Variants in FAF1 observed in about 807,000 individuals in gnomAD.
FAF1 encodes the protein FAS-associated factor 1.
Under a neutral mutation model 92.5 loss-of-function variants are expected in FAF1, and 25 were observed. That is an observed-to-expected ratio of 0.27 (90% CI 0.20 to 0.38). The LOEUF (loss-of-function observed/expected upper bound fraction) is 0.38, where lower values mean the gene tolerates loss of function less well. Ranked by LOEUF, FAF1 falls within the 10% of genes least tolerant of loss-of-function variation. The pLI is 1.00. For missense variants in FAF1, 636 were observed against 793.3 expected, an observed-to-expected ratio of 0.80 and a Z score of 2.38; for synonymous variants, 234 against 273.2, an observed-to-expected ratio of 0.86 and a Z score of 1.42.
At chr1:50,724,300 C>CACACACACACATACAT (rs1158378463) in intron 6 of FAF1, among the ~76,000 whole-genome samples, 15 of 131,528 alleles carry the variant, frequency 1.1e-4, no homozygotes, top group African/African-American at 4.6e-4. Context: ...CACACATACA[C>CACACACACACATACAT]ACACACACAC....
intron 1 of FAF1, among the ~76,000 whole-genome samples, chr1:50,924,759 G>A (rs570040613): frequency 6.6e-6 from 1 of 152,270 alleles, no homozygotes; most frequent in Non-Finnish European, 1.5e-5. Context: ...GAGGTGGGTG[G>A]ATCACCTGAG....
chr1:50,890,869 T>C (rs926205172), intron 1 of FAF1, among the ~76,000 whole-genome samples: 1 of 152,218 alleles, frequency 6.6e-6, no homozygotes, highest in Non-Finnish European at 1.5e-5. Context: ...ATTATCTTTG[T>C]GACGTTCTCT....
At chr1:50,531,927 G>T (rs1443298089) in intron 15 of FAF1, among the ~76,000 whole-genome samples, 1 of 152,064 alleles carries the variant, frequency 6.6e-6, no homozygotes, top group African/African-American at 2.4e-5. Context: ...ATAAATTCAG[G>T]CCTAGGAAGC....
chr1:50,797,887 A>T (rs1661822382), intron 3 of FAF1, among the ~76,000 whole-genome samples: 1 of 152,186 alleles, frequency 6.6e-6, no homozygotes, highest in Admixed American at 6.5e-5. Context: ...TCTATGTAGA[A>T]ATCTATTTTA....
In FAF1 at chr1:50,677,895, CAAAAAAAAAAA is replaced by C. The variant is rs1036524797; in HGVS notation, c.658-22378_658-22368del. On this transcript the variant is annotated intron_variant, in intron 7 of 18. Transcript: ENST00000396153. ...GCGCAACAAGAACAAAACTCTGCCT[CAAAAAAAAAAA>C]AAAAAAAAAAAGAGCAACTAGTTTT... is the stretch of plus-strand genomic sequence containing the variant. Among the ~76,000 whole-genome samples the C allele has an allele frequency of 4.5e-3, 280 of 62,562 alleles. 1 individual carries two copies. Among genetic ancestry groups the C allele is most frequent in the Middle Eastern group, 8.9e-3 (1 of 112 alleles). 41.0% of individuals were successfully genotyped at this position (62,562 alleles called of 152,430 possible).
chr1:50,677,560 A>G (rs1055866648), intron 7 of FAF1, among the ~76,000 whole-genome samples: 2 of 152,226 alleles, frequency 1.3e-5, no homozygotes, highest in African/African-American at 4.8e-5. Flanking sequence ...ATCTGAATAA[A>G]TGAAATAATT....
At chr1:50,636,699 C>T (rs1328388983) in intron 8 of FAF1, among the ~76,000 whole-genome samples, 1 of 152,100 alleles carries the variant, frequency 6.6e-6, no homozygotes, top group Non-Finnish European at 1.5e-5. Flanking sequence ...CAAAAGTTGC[C>T]AATTGTAATG....
chr1:50,569,834 C>T (rs1048957268), intron 12 of FAF1, among the ~76,000 whole-genome samples: 3 of 152,020 alleles, frequency 2.0e-5, no homozygotes, highest in African/African-American at 4.8e-5. Context: ...ACTAAGAAAC[C>T]CAACATGCAG....
At chr1:50,623,970 AGAAGAAGAG>A (rs1038658889) in intron 8 of FAF1, among the ~76,000 whole-genome samples, 52 of 152,058 alleles carry the variant, frequency 3.4e-4, no homozygotes, top group African/African-American at 9.4e-4. Flanking sequence ...AGAAGAAGAA[AGAAGAAGAG>A]GAAGAAGAGG....
At chr1:50,811,377 A>G (rs922317777) in intron 2 of FAF1, among the ~76,000 whole-genome samples, 1 of 152,084 alleles carries the variant, frequency 6.6e-6, no homozygotes, top group African/African-American at 2.4e-5. Flanking sequence ...AACAAAACCA[A>G]TATACAAAAA....
At chr1:50,479,012 C>A (rs1276781808) in intron 17 of FAF1, among the ~76,000 whole-genome samples, 1 of 152,122 alleles carries the variant, frequency 6.6e-6, no homozygotes, top group Non-Finnish European at 1.5e-5. Flanking sequence ...GAACTACCTC[C>A]CCTCAAAGTC....
intron 4 of FAF1, among the ~76,000 whole-genome samples, chr1:50,766,820 TC>T (rs1433907502): frequency 5.8e-4 from 61 of 105,218 alleles, no homozygotes; most frequent in African/African-American, 2.2e-3. Flanking sequence ...AAACCACACA[TC>T]CAAAAGACAG....
intron 7 of FAF1, among the ~76,000 whole-genome samples, chr1:50,673,265 A>AG (rs1448169112): frequency 6.6e-6 from 1 of 152,036 alleles, no homozygotes; most frequent in East Asian, 1.9e-4. Flanking sequence ...TCAAAAAAAA[A>AG]AAAGAAAAGA....
At chr1:50,823,545 A>G (rs952231940) in intron 2 of FAF1, among the ~76,000 whole-genome samples, 2 of 152,194 alleles carry the variant, frequency 1.3e-5, no homozygotes, top group African/African-American at 2.4e-5. Context: ...TCATCTCATT[A>G]TCATCATTTT....
chr1:50,444,188 C>A (rs989929184), intron 18 of FAF1, among the ~76,000 whole-genome samples: 1 of 152,200 alleles, frequency 6.6e-6, no homozygotes, highest in African/African-American at 2.4e-5. Flanking sequence ...TCATGTTTCT[C>A]CCCAGCAAGA....
At chr1:50,930,768 A>G (rs186869284) in intron 1 of FAF1, among the ~76,000 whole-genome samples, 278 of 152,256 alleles carry the variant, frequency 1.8e-3, no homozygotes, top group Middle Eastern at 6.8e-3. Context: ...GTGCCACTGC[A>G]CTCCAGCCTG....
chr1:50,911,361 C>A (rs1049385543), intron 1 of FAF1, among the ~76,000 whole-genome samples: 3 of 151,246 alleles, frequency 2.0e-5, no homozygotes, highest in Admixed American at 6.6e-5. Context: ...TGTGAGCCAC[C>A]ACACCTGGCT....
At chr1:50,837,737 G>C (rs1430667554) in intron 2 of FAF1, among the ~76,000 whole-genome samples, 1 of 150,970 alleles carries the variant, frequency 6.6e-6, no homozygotes, top group African/African-American at 2.4e-5. Flanking sequence ...GGTTGGGAAA[G>C]GGGAAGCTCC....
chr1:50,591,502 T>C (rs1651505507), intron 9 of FAF1, among the ~76,000 whole-genome samples: 1 of 151,992 alleles, frequency 6.6e-6, no homozygotes, highest in Non-Finnish European at 1.5e-5. Context: ...CGAAACCTCG[T>C]CTCTACTAAA....
Sources: allele counts gnomAD v4.1 joint callset (sites outside exome capture counted in the v4.1 genomes callset), GRCh38; gene constraint gnomAD v4.1.1; transcripts MANE v1.5; gene names NCBI Gene and HGNC (gene_info 2026-07-23, HGNC 2026-07-21).